Variants in SP140L observed in about 807,000 individuals in gnomAD.
SP140L encodes the protein SP140 like nuclear body protein.
A neutral mutation model predicts 84.3 loss-of-function variants in SP140L; 64 were observed. That is an observed-to-expected ratio of 0.76 (90% CI 0.62 to 0.94). The LOEUF is 0.94. Among genes scored for constraint, SP140L ranks in the 40% least tolerant of loss-of-function variants. SP140L has a pLI of 0.00. For synonymous variants in SP140L, 242 were observed against 236.9 expected, an observed-to-expected ratio of 1.02 and a Z score of -0.20; for missense variants, 628 against 692.5, an observed-to-expected ratio of 0.91 and a Z score of 1.05.
Position 230,403,212 on chromosome 2 carries a change from T to A in SP140L, c.*316T>A. ...TACTCACAAGACCTTTTTCCTCCGTTTTTTTTTTGAGATGGAGTCTCACAC... is the reference window on the plus strand; with the variant it reads ...TACTCACAAGACCTTTTTCCTCCGTATTTTTTTTGAGATGGAGTCTCACAC... On this transcript the variant is annotated 3_prime_UTR_variant, in exon 19 of 19. Transcript: ENST00000415673. 9.6e-6 allele frequency: 2 copies of A among 209,416 alleles called. No homozygotes were observed. Among genetic ancestry groups the A allele is most frequent in the Non-Finnish European group, 9.4e-6 (1 of 106,616 alleles). 13.0% of individuals were successfully genotyped at this position (209,416 alleles called of 1,614,324 possible).
At chr2:230,398,943 C>G (rs1575558075) in intron 14 of SP140L, among the ~76,000 whole-genome samples, 1 of 152,284 alleles carries the variant, frequency 6.6e-6, no homozygotes, top group Middle Eastern at 3.4e-3. Context: ...TGCAAGCGGT[C>G]CTCTTGATCA....
intron 8 of SP140L, among the ~76,000 whole-genome samples, chr2:230,384,805 G>A (rs1306139632): frequency 3.9e-5 from 6 of 152,022 alleles, no homozygotes; most frequent in African/African-American, 1.4e-4. Flanking sequence ...CCAGCTACTC[G>A]GGAGGCTGAG....
intron 15 of SP140L, 150 bp from the exon 16 acceptor site, chr2:230,400,805 A>T: frequency 6.4e-7 from 1 of 1,553,784 alleles, no homozygotes; most frequent in East Asian, 2.3e-5. Context: ...TGGAGACCCC[A>T]TGTGCAGTTC....
At position 230,336,698 on chromosome 2, in the gene SP140L, A is replaced by T. The variant is rs184005167; in HGVS notation, c.107+7867A>T. Among the ~76,000 whole-genome samples the T allele has an allele frequency of 7.7e-4, 118 of 152,336 alleles. 1 individual carries two copies. The highest frequency in any genetic ancestry group is 2.6e-3 in the African/African-American group (110 of 41,582). ...TGACTTACTGGACTTGTCAACTTCT[A>T]ACAGAGATGCCTTAACATTTTTTTA... is the stretch of plus-strand genomic sequence containing the variant. On this transcript the variant is annotated intron_variant, in intron 2 of 18. Coordinates refer to ENST00000415673, the MANE Select transcript of SP140L (RefSeq NM_138402.6).
intron 12 of SP140L, 80 bp from the exon 13 acceptor site, chr2:230,393,334 T>C: frequency 6.8e-7 from 1 of 1,465,342 alleles, no homozygotes; most frequent in Non-Finnish European, 9.2e-7. Context: ...GGTAGAAGTA[T>C]TTGGGAAGAG....
At chr2:230,354,885 G>GAAAGAAAGAAAGAA (rs1247953230) in intron 2 of SP140L, among the ~76,000 whole-genome samples, 1 of 124,408 alleles carries the variant, frequency 8.0e-6, no homozygotes, top group Non-Finnish European at 1.8e-5. Context: ...AAGAAAGAAA[G>GAAAGAAAGAAAGAA]AAAGAAAGAA....
At position 230,393,346 on chromosome 2, in the gene SP140L, T is replaced by C. The variant is rs564482267; in HGVS notation, c.1108-68T>C. On this transcript the variant is annotated intron_variant, in intron 12 of 18. Transcript: ENST00000415673. Reference sequence around the variant, plus strand: ...TCAGGTAGAAGTATTTGGGAAGAGGTTGGAAATGCCAGACTCACAAAACAG... The same window carrying C: ...TCAGGTAGAAGTATTTGGGAAGAGGCTGGAAATGCCAGACTCACAAAACAG... 120 of 1,503,610 alleles carry C rather than the reference T, an allele frequency of 8.0e-5. 1 individual carries two copies. In the South Asian group the frequency reaches 1.3e-3, roughly 16 times the overall value. 93.1% of individuals were successfully genotyped at this position (1,503,610 alleles called of 1,614,324 possible).
chr2:230,355,411 A>C (rs889212256), intron 2 of SP140L, among the ~76,000 whole-genome samples: 1 of 152,238 alleles, frequency 6.6e-6, no homozygotes, highest in Non-Finnish European at 1.5e-5. Flanking sequence ...TTTAAAATTA[A>C]TCTAAATAAG....
At position 230,393,477 on chromosome 2, in the gene SP140L, T is replaced by C. The variant is rs756769388; in HGVS notation, c.1155+16T>C. ...GAACAAAAAGGTGATTATTACATAA[T>C]TTTCTACAGATTCTTGTCACACAAC... On this transcript the variant is annotated intron_variant, in intron 13 of 18. Coordinates refer to ENST00000415673, the MANE Select transcript of SP140L (RefSeq NM_138402.6). The C allele has an allele frequency of 6.4e-7, 1 of 1,559,210 alleles. No homozygotes were observed. Among genetic ancestry groups the C allele is most frequent in the East Asian group, 2.3e-5 (1 of 42,668 alleles).
chr2:230,354,413 T>A (rs1196943949), intron 2 of SP140L, among the ~76,000 whole-genome samples: 2 of 152,166 alleles, frequency 1.3e-5, no homozygotes, highest in South Asian at 4.1e-4. Flanking sequence ...GTCATATGAC[T>A]ACCTTGGTAG....
chr2:230,385,219 C>T lies in SP140L; in HGVS notation c.704-5C>T. 2 of 1,613,354 alleles carry T rather than the reference C, an allele frequency of 1.2e-6. No individual in the cohort carries two copies. The highest frequency in any genetic ancestry group is 8.5e-7 in the Non-Finnish European group (1 of 1,179,562). ...ATTAATACATTTTCCCTTGCCTATC[C>T]CCAGATAACAGCAAAGCCGATGGCC... On this transcript the variant is annotated splice_polypyrimidine_tract_variant and splice_region_variant and intron_variant, in intron 8 of 18. Coordinates refer to ENST00000415673, the MANE Select transcript of SP140L (RefSeq NM_138402.6).
chr2:230,364,240 G>T (rs2060803757), intron 5 of SP140L, among the ~76,000 whole-genome samples: 1 of 152,026 alleles, frequency 6.6e-6, no homozygotes, highest in Admixed American at 6.6e-5. Flanking sequence ...AATCTTTAGA[G>T]CACTGTGGAT....
At chr2:230,381,066 C>G (rs770224258) in intron 7 of SP140L, among the ~76,000 whole-genome samples, 1 of 152,046 alleles carries the variant, frequency 6.6e-6, no homozygotes, top group African/African-American at 2.4e-5. Flanking sequence ...CAGAGGAAGC[C>G]CAGGTGGATG....
chr2:230,391,840 C>G (rs906628926), intron 11 of SP140L: 3 of 416,268 alleles, frequency 7.2e-6, no homozygotes, highest in Non-Finnish European at 1.3e-5. Context: ...AAAGGTTGCT[C>G]TTGCTGATAA....
At chr2:230,358,337 G>C (rs2060612136) in intron 3 of SP140L, among the ~76,000 whole-genome samples, 1 of 152,170 alleles carries the variant, frequency 6.6e-6, no homozygotes. Flanking sequence ...AAAACCCACA[G>C]GGAATTGGTG....
intron 5 of SP140L, among the ~76,000 whole-genome samples, chr2:230,366,710 C>CCATTAT (rs1553620448): frequency 6.9e-6 from 1 of 144,588 alleles, no homozygotes; most frequent in Non-Finnish European, 1.5e-5. Flanking sequence ...GGATTATTAT[C>CCATTAT]TATTATTATT....
Position 230,400,666 on chromosome 2 carries a change from C to T in SP140L, c.1314-289C>T. On this transcript the variant is annotated intron_variant, in intron 15 of 18. Coordinates refer to ENST00000415673, the MANE Select transcript of SP140L (RefSeq NM_138402.6). ...AAAGCCCAGTTTCTGACACACAGGC[C>T]TGGCAGGCAGGACTCCTTGTGCTCC... 8.2e-6 allele frequency: 5 copies of T among 612,670 alleles called. No individual in the cohort carries two copies. The South Asian group carries it at 9.8e-5, about 12-fold the overall frequency. 38.0% of individuals were successfully genotyped at this position (612,670 alleles called of 1,614,324 possible).
In SP140L at chr2:230,395,861, C is replaced by G. The variant is rs1174829424; in HGVS notation, c.1156-896C>G. ...GGTTACCTCTTAAAAGACAGTCAACCTGACATCTTGTGATTTGGATAGAAG... is the reference window on the plus strand; with the variant it reads ...GGTTACCTCTTAAAAGACAGTCAACGTGACATCTTGTGATTTGGATAGAAG... On this transcript the variant is annotated intron_variant, in intron 13 of 18. Transcript: ENST00000415673. 2.0e-5 allele frequency among the ~76,000 whole-genome samples: 3 copies of G among 152,190 alleles called. No individual in the cohort carries two copies. In the East Asian group the frequency reaches 5.8e-4, roughly 29 times the overall value.
At chr2:230,393,067 G>A (rs1241230432) in intron 12 of SP140L, among the ~76,000 whole-genome samples, 1 of 152,174 alleles carries the variant, frequency 6.6e-6, no homozygotes, top group African/African-American at 2.4e-5. Context: ...CATGCAATAA[G>A]TGTGTGCTGC....
Sources: allele counts gnomAD v4.1 joint callset (sites outside exome capture counted in the v4.1 genomes callset), GRCh38; gene constraint gnomAD v4.1.1; transcripts MANE v1.5; gene names NCBI Gene and HGNC (gene_info 2026-07-23, HGNC 2026-07-21).